RABGAP1L: variants seen among roughly 807,000 people sequenced by gnomAD.
RABGAP1L encodes RAB GTPase activating protein 1 like.
RABGAP1L carries 63 observed loss-of-function variants against 137.7 expected under a neutral mutation model. That is an observed-to-expected ratio of 0.46 (90% CI 0.37 to 0.56). The LOEUF (loss-of-function observed/expected upper bound fraction) is 0.56, where lower values mean the gene tolerates loss of function less well. RABGAP1L is among the 20% of genes least tolerant of loss of function. RABGAP1L has a pLI of 0.00. For synonymous variants in RABGAP1L, 431 were observed against 433.7 expected, an observed-to-expected ratio of 0.99 and a Z score of 0.08; for missense variants, 1,095 against 1,244.0, an observed-to-expected ratio of 0.88 and a Z score of 1.80.
At chr1:174,457,239 G>A (rs1656133077) in intron 13 of RABGAP1L, among the ~76,000 whole-genome samples, 1 of 152,160 alleles carries the variant, frequency 6.6e-6, no homozygotes, top group Non-Finnish European at 1.5e-5. Context: ...GAAGTGAAAG[G>A]AGAGAAAATG....
intron 10 of RABGAP1L, among the ~76,000 whole-genome samples, chr1:174,302,167 T>G (rs12074276): frequency 0.39 from 59,141 of 152,032 alleles, 14,531 homozygotes; most frequent in African/African-American, 0.7. Context: ...AATTATTTTT[T>G]CAGGATTTCC....
At chr1:174,934,470 G>A (rs1441114605) in intron 19 of RABGAP1L, among the ~76,000 whole-genome samples, 3 of 152,086 alleles carry the variant, frequency 2.0e-5, no homozygotes, top group Admixed American at 2.0e-4. Flanking sequence ...TCCCGTACTG[G>A]CTGTGTTTTC....
chr1:174,744,517 A>T (rs1161997956), intron 17 of RABGAP1L, among the ~76,000 whole-genome samples: 1 of 152,218 alleles, frequency 6.6e-6, no homozygotes, highest in African/African-American at 2.4e-5. Flanking sequence ...CTTTAAAAGG[A>T]CAATGATTTT....
chr1:174,611,511 T>A (rs1446208316), intron 13 of RABGAP1L, among the ~76,000 whole-genome samples: 2 of 149,326 alleles, frequency 1.3e-5, no homozygotes, highest in East Asian at 3.9e-4. Flanking sequence ...CTTTGTTCTT[T>A]TGGCTTAGGA....
chr1:174,687,984 G>C lies in RABGAP1L; in HGVS notation c.1899+4388G>C, dbSNP rs1324830035. Among the ~76,000 whole-genome samples the C allele has an allele frequency of 9.2e-5, 14 of 152,104 alleles. 1 individual carries two copies. The highest frequency in any genetic ancestry group is 9.2e-4 in the Admixed American group (14 of 15,272). ...TTTGACAATAGCTTTGTAACATGTA[G>C]TAGTTTAGACAATGGAAGAATTAAA... On this transcript the variant is annotated intron_variant, in intron 15 of 25. Transcript: ENST00000681986.
At chr1:174,599,389 T>C (rs1670247160) in intron 13 of RABGAP1L, among the ~76,000 whole-genome samples, 1 of 152,220 alleles carries the variant, frequency 6.6e-6, no homozygotes, top group Non-Finnish European at 1.5e-5. Flanking sequence ...TGTTACAGTG[T>C]TATCATATTC....
intron 9 of RABGAP1L, among the ~76,000 whole-genome samples, chr1:174,278,174 G>T (rs952953550): frequency 1.3e-5 from 2 of 152,148 alleles, no homozygotes; most frequent in East Asian, 3.9e-4. Flanking sequence ...AGGCTGATGG[G>T]GGTGGATCAC....
intron 1 of RABGAP1L, among the ~76,000 whole-genome samples, chr1:174,181,340 C>T (rs1207173): frequency 0.2 from 27,487 of 138,520 alleles, 3,392 homozygotes; most frequent in East Asian, 0.38. Context: ...TTCTTTTTTT[C>T]TTTTTTTTTT....
At chr1:174,573,192 T>TACACATATATA in intron 13 of RABGAP1L, among the ~76,000 whole-genome samples, 1 of 150,096 alleles carries the variant, frequency 6.7e-6, no homozygotes, top group Admixed American at 6.6e-5. Context: ...ACACTATATG[T>TACACATATATA]GTGTGTATAT....
At chr1:174,485,878 C>T (rs1315400163) in intron 13 of RABGAP1L, among the ~76,000 whole-genome samples, 1 of 152,066 alleles carries the variant, frequency 6.6e-6, no homozygotes, top group African/African-American at 2.4e-5. Context: ...GGATTCCTTC[C>T]TCCTTTATTT....
chr1:174,192,521 C>T (rs1172091781), intron 1 of RABGAP1L, among the ~76,000 whole-genome samples: 1 of 152,066 alleles, frequency 6.6e-6, no homozygotes, highest in East Asian at 1.9e-4. Context: ...CAGGGTTTTA[C>T]CATCTTGCCA....
At chr1:174,229,825 C>T (rs1670483844) in intron 3 of RABGAP1L, among the ~76,000 whole-genome samples, 1 of 152,122 alleles carries the variant, frequency 6.6e-6, no homozygotes, top group Non-Finnish European at 1.5e-5. Flanking sequence ...AGTTCTAGAT[C>T]CCTGAGGAAT....
chr1:174,390,623 G>T (rs1044251722), intron 12 of RABGAP1L, among the ~76,000 whole-genome samples: 1 of 152,198 alleles, frequency 6.6e-6, no homozygotes, highest in Non-Finnish European at 1.5e-5. Flanking sequence ...TCCAGTGAAT[G>T]TTAGGAGGCT....
At chr1:174,464,898 C>G (rs1571927134) in intron 13 of RABGAP1L, among the ~76,000 whole-genome samples, 1 of 152,048 alleles carries the variant, frequency 6.6e-6, no homozygotes, top group African/African-American at 2.4e-5. Flanking sequence ...CAGCCTCCTA[C>G]CATGGCTAAA....
intron 13 of RABGAP1L, among the ~76,000 whole-genome samples, chr1:174,562,446 G>A (rs1667284548): frequency 6.6e-6 from 1 of 152,180 alleles, no homozygotes; most frequent in African/African-American, 2.4e-5. Context: ...AGACAGTGTG[G>A]TGATTCCTCA....
intron 17 of RABGAP1L, among the ~76,000 whole-genome samples, chr1:174,718,483 C>T (rs332781): frequency 0.37 from 56,683 of 152,088 alleles, 13,945 homozygotes; most frequent in African/African-American, 0.7. Flanking sequence ...AAGGGATGTG[C>T]TGTGCCCCAA....
intron 13 of RABGAP1L, among the ~76,000 whole-genome samples, chr1:174,447,890 G>GCCCCCCCCCTCCCCCCC (rs1654952280): frequency 1.4e-5 from 1 of 69,566 alleles, no homozygotes; most frequent in African/African-American, 5.4e-5. Flanking sequence ...ACCCCTTACC[G>GCCCCCCCCCTCCCCCCC]CCCCCCCCCC....
chr1:174,417,444 A>T (rs1222070146), intron 13 of RABGAP1L, among the ~76,000 whole-genome samples: 2 of 152,234 alleles, frequency 1.3e-5, no homozygotes, highest in Non-Finnish European at 2.9e-5. Context: ...GCCTTTTAAT[A>T]GGTAGATGCA....
intron 1 of RABGAP1L, among the ~76,000 whole-genome samples, chr1:174,206,388 T>C (rs947400189): frequency 6.6e-5 from 10 of 152,168 alleles, no homozygotes; most frequent in Non-Finnish European, 1.5e-4. Flanking sequence ...ACAAAAGTCA[T>C]GGTAATTTTT....
Sources: gnomAD v4.1 joint callset for allele counts (sites outside exome capture counted in the v4.1 genomes callset) on GRCh38, gnomAD v4.1.1 for gene constraint, MANE v1.5 for transcripts, NCBI Gene and HGNC (gene_info 2026-07-23, HGNC 2026-07-21) for gene names.